The following TNIK variants were observed in gnomAD, a reference collection of about 807,000 sequenced individuals.
TNIK encodes the protein TRAF2 and NCK-interacting protein kinase.
In TNIK, 49 loss-of-function variants were observed where a neutral mutation model predicts 191.3. That is an observed-to-expected ratio of 0.26 (90% CI 0.20 to 0.32). TNIK has a LOEUF of 0.32. Among genes scored for constraint, TNIK ranks in the 10% least tolerant of loss-of-function variants. The pLI is 1.00. For synonymous variants in TNIK, 594 were observed against 600.9 expected (o/e 0.99, Z 0.17); for missense variants, 1,155 against 1,702.3 (o/e 0.68, Z 5.66).
At chr3:171,116,280 C>T (rs1291603259) in intron 18 of TNIK, among the ~76,000 whole-genome samples, 1 of 152,074 alleles carries the variant, frequency 6.6e-6, no homozygotes, top group Admixed American at 6.6e-5. Context: ...CAGAAGAATC[C>T]CATGAAATAA....
chr3:171,177,839 C>T (rs1197338767), intron 7 of TNIK, among the ~76,000 whole-genome samples: 6 of 152,214 alleles, frequency 3.9e-5, no homozygotes, highest in Non-Finnish European at 7.3e-5. Context: ...CATTTGCCTC[C>T]TTCCTTTCCT....
chr3:171,099,582 A>AGAAAAGGAGACAAAGACCTAACAAAC (rs1723168491), intron 22 of TNIK, among the ~76,000 whole-genome samples: 1 of 152,160 alleles, frequency 6.6e-6, no homozygotes, highest in Non-Finnish European at 1.5e-5. Context: ...ATCATAGTCC[A>AGAAAAGGAGACAAAGACCTAACAAAC]GAAAAGGAGA....
At chr3:171,223,373 G>A (rs138938634) in intron 3 of TNIK, among the ~76,000 whole-genome samples, 263 of 152,326 alleles carry the variant, frequency 1.7e-3, no homozygotes, top group Non-Finnish European at 2.9e-3. Flanking sequence ...TTGTGTTACT[G>A]TGAGCAGGCA....
In TNIK at chr3:171,346,770, T is replaced by C. The variant is rs185300865; in HGVS notation, c.123+22850A>G. Among the ~76,000 whole-genome samples, 313 of 152,144 alleles carry C rather than the reference T, an allele frequency of 2.1e-3. 2 individuals carry two copies. The highest frequency in any genetic ancestry group is 7.2e-3 in the African/African-American group (297 of 41,526). On this transcript the variant is annotated intron_variant, in intron 2 of 32. Coordinates refer to ENST00000436636, the MANE Select transcript of TNIK (RefSeq NM_015028.4). ...GGTCTTGAGGCAGGAGGAAGCAAAT[T>C]AGGTTTTCTGTGTAAAGAGAAAGCA...
intron 11 of TNIK, among the ~76,000 whole-genome samples, chr3:171,160,182 A>T (rs553324431): frequency 6.6e-6 from 1 of 152,312 alleles, no homozygotes; most frequent in African/African-American, 2.4e-5. Context: ...ATCAGATGGT[A>T]GGAAAGAAGT....
At chr3:171,243,259 T>TAC (rs144887385) in intron 2 of TNIK, among the ~76,000 whole-genome samples, 395 of 152,240 alleles carry the variant, frequency 2.6e-3, no homozygotes, top group African/African-American at 9.3e-3. Flanking sequence ...CATACACTAT[T>TAC]ACACTATTAA....
chr3:171,096,933 A>G (rs914795998), intron 22 of TNIK, among the ~76,000 whole-genome samples: 1 of 152,230 alleles, frequency 6.6e-6, no homozygotes, highest in Non-Finnish European at 1.5e-5. Flanking sequence ...ATTGGCTATC[A>G]GGATATTATT....
intron 14 of TNIK, 135 bp from the exon 15 acceptor site, chr3:171,138,514 A>G (rs1213344772): frequency 2.5e-6 from 2 of 801,746 alleles, no homozygotes; most frequent in East Asian, 5.9e-5. Context: ...ACAGAATGAC[A>G]GAAGGATGTC....
intron 1 of TNIK, among the ~76,000 whole-genome samples, chr3:171,379,328 A>T (rs1397715642): frequency 6.6e-6 from 1 of 152,236 alleles, no homozygotes; most frequent in East Asian, 1.9e-4. Flanking sequence ...TATACAACTA[A>T]GAATATAAAA....
intron 3 of TNIK, chr3:171,225,507 A>T: frequency 2.2e-6 from 1 of 454,678 alleles, no homozygotes; most frequent in South Asian, 1.6e-5. Context: ...ATGGATTGAC[A>T]CTCCTTTGCA....
chr3:171,390,275 C>T (rs1719297306), intron 1 of TNIK, among the ~76,000 whole-genome samples: 1 of 152,164 alleles, frequency 6.6e-6, no homozygotes, highest in African/African-American at 2.4e-5. Flanking sequence ...TTTCGTTTAG[C>T]TATTAAAATG....
intron 21 of TNIK, among the ~76,000 whole-genome samples, chr3:171,102,493 T>C (rs183919694): frequency 6.6e-6 from 1 of 152,306 alleles, no homozygotes; most frequent in Admixed American, 6.5e-5. Flanking sequence ...GACTACCTTT[T>C]ATTTTACATG....
intron 2 of TNIK, among the ~76,000 whole-genome samples, chr3:171,240,051 T>C (rs115379834): frequency 0.011 from 1,673 of 152,216 alleles, 26 homozygotes; most frequent in African/African-American, 0.038. Flanking sequence ...ATGCATTGAT[T>C]TATAGTTAAA....
intron 29 of TNIK, among the ~76,000 whole-genome samples, chr3:171,071,006 AAGG>A (rs1470650154): frequency 6.6e-6 from 1 of 152,228 alleles, no homozygotes. Flanking sequence ...CATAGATCTC[AAGG>A]AGGAGGGCAT....
intron 1 of TNIK, among the ~76,000 whole-genome samples, chr3:171,413,633 T>C (rs1454983451): frequency 1.3e-5 from 2 of 152,220 alleles, no homozygotes; most frequent in African/African-American, 4.8e-5. Context: ...ATTTTGTTTT[T>C]CTACTGAATT....
rs138431547 is a variant in TNIK, at chr3:171,261,636, C to A, written c.124-33415G>T. On this transcript the variant is annotated intron_variant, in intron 2 of 32. Transcript: ENST00000436636. ...AAAGAAATCTATTTTAATTTCCTGTCTTCCTGTACAGAGTATGACTTCCTT... is the reference window on the plus strand; with the variant it reads ...AAAGAAATCTATTTTAATTTCCTGTATTCCTGTACAGAGTATGACTTCCTT... 3.7e-3 allele frequency among the ~76,000 whole-genome samples: 565 copies of A among 152,318 alleles called. 4 individuals carry two copies. The highest frequency in any genetic ancestry group is 0.012 in the African/African-American group (509 of 41,574).
chr3:171,092,948 G>A (rs979601173), intron 23 of TNIK, among the ~76,000 whole-genome samples: 1 of 152,258 alleles, frequency 6.6e-6, no homozygotes, highest in South Asian at 2.1e-4. Context: ...AGGAGAGAGT[G>A]AAATAAAATA....
At chr3:171,228,063 T>G in intron 3 of TNIK, 102 bp downstream of exon 3, 1 of 1,336,612 alleles carries the variant, frequency 7.5e-7, no homozygotes, top group Non-Finnish European at 1.1e-6. Flanking sequence ...ATTTTCAACT[T>G]AACAATATTT....
At position 171,412,535 on chromosome 3, in the gene TNIK, T is replaced by G. The variant is rs1401529119; in HGVS notation, c.58-42850A>C. Among the ~76,000 whole-genome samples, 3 of 152,306 alleles carry G rather than the reference T, an allele frequency of 2.0e-5. No individual in the cohort carries two copies. In the East Asian group the frequency reaches 5.8e-4, roughly 29 times the overall value. On this transcript the variant is annotated intron_variant, in intron 1 of 32. Coordinates refer to ENST00000436636, the MANE Select transcript of TNIK (RefSeq NM_015028.4). ...AATTGAGCCCTTATAATGTGCCAGG[T>G]GAGTACTGCGACTATCAGCATTTTA...
Sources: gnomAD v4.1 joint callset for allele counts (sites outside exome capture counted in the v4.1 genomes callset) on GRCh38, gnomAD v4.1.1 for gene constraint, MANE v1.5 for transcripts, NCBI Gene and HGNC (gene_info 2026-07-23, HGNC 2026-07-21) for gene names.